The following GMDS variants were observed in gnomAD, a reference collection of about 807,000 sequenced individuals.
The protein encoded by GMDS is GDP-mannose 4,6 dehydratase.
Under a neutral mutation model 49.9 loss-of-function variants are expected in GMDS, and 20 were observed. The observed-to-expected ratio is 0.40, with a 90% CI of 0.28 to 0.58. GMDS has a LOEUF of 0.58. Ranked by LOEUF, GMDS falls within the 20% of genes least tolerant of loss-of-function variation. The probability of loss-of-function intolerance (pLI) is 0.42; values close to 1 mark genes in which losing one functional copy is unlikely to be tolerated. For missense variants in GMDS, 362 were observed against 481.4 expected (o/e 0.75, Z 2.32); for synonymous variants, 177 against 178.6 (o/e 0.99, Z 0.07).
intron 7 of GMDS, among the ~76,000 whole-genome samples, chr6:1,787,492 G>A (rs1769370887): frequency 6.6e-6 from 1 of 152,054 alleles, no homozygotes; most frequent in Non-Finnish European, 1.5e-5. Context: ...TTACAGTAAG[G>A]GAAAAAACAG....
intron 7 of GMDS, among the ~76,000 whole-genome samples, chr6:1,928,838 G>A (rs868593007): frequency 6.6e-6 from 1 of 151,890 alleles, no homozygotes; most frequent in African/African-American, 2.4e-5. Context: ...GTGTGGTGGC[G>A]CATGCCTATA....
intron 6 of GMDS, among the ~76,000 whole-genome samples, chr6:1,953,693 T>C (rs1763478576): frequency 6.6e-6 from 1 of 152,244 alleles, no homozygotes; most frequent in Admixed American, 6.5e-5. Context: ...ACTAGAAATA[T>C]TGTTAGCTTT....
intron 4 of GMDS, among the ~76,000 whole-genome samples, chr6:2,066,598 G>T (rs1161417709): frequency 6.6e-6 from 1 of 151,180 alleles, no homozygotes; most frequent in Admixed American, 6.6e-5. Flanking sequence ...AACAAAAAAA[G>T]GCAGGGGTTG....
intron 4 of GMDS, among the ~76,000 whole-genome samples, chr6:2,094,444 T>C (rs1441312464): frequency 6.6e-6 from 1 of 152,218 alleles, no homozygotes; most frequent in Non-Finnish European, 1.5e-5. Context: ...TAATTGTCAC[T>C]CAACAGCATG....
intron 7 of GMDS, among the ~76,000 whole-genome samples, chr6:1,759,626 G>C (rs1768084994): frequency 6.6e-6 from 1 of 152,204 alleles, no homozygotes; most frequent in Admixed American, 6.5e-5. Context: ...TCTGGCGATA[G>C]ACCACGTAGG....
chr6:2,215,730 T>C (rs1183866951), intron 1 of GMDS, among the ~76,000 whole-genome samples: 1 of 152,070 alleles, frequency 6.6e-6, no homozygotes, highest in African/African-American at 2.4e-5. Context: ...CTAAGAGACA[T>C]TGACCAATTT....
intron 4 of GMDS, among the ~76,000 whole-genome samples, chr6:1,986,213 G>A (rs1765536566): frequency 6.6e-6 from 1 of 152,154 alleles, no homozygotes. Flanking sequence ...TCCCAGGGGA[G>A]TTTTCTAAAG....
chr6:1,699,650 CCCTCCTGCCTT>C (rs2113360968), intron 9 of GMDS, among the ~76,000 whole-genome samples: 1 of 152,246 alleles, frequency 6.6e-6, no homozygotes, highest in Non-Finnish European at 1.5e-5. Flanking sequence ...CTGACTCTGA[CCCTCCTGCCTT>C]CCTCCTATAA....
chr6:1,719,917 A>T (rs898147971), intron 9 of GMDS, among the ~76,000 whole-genome samples: 2 of 152,212 alleles, frequency 1.3e-5, no homozygotes, highest in African/African-American at 4.8e-5. Context: ...ATTATAAATG[A>T]GGATAGTCAG....
At chr6:2,070,236 A>G (rs1370884507) in intron 4 of GMDS, among the ~76,000 whole-genome samples, 2 of 140,036 alleles carry the variant, frequency 1.4e-5, no homozygotes, top group African/African-American at 5.3e-5. Flanking sequence ...CATGGACACA[A>G]GAAGGGGAAC....
At chr6:2,200,683 G>A (rs966056300) in intron 1 of GMDS, among the ~76,000 whole-genome samples, 13 of 149,518 alleles carry the variant, frequency 8.7e-5, no homozygotes, top group African/African-American at 3.0e-4. Flanking sequence ...TCTAGGCAGT[G>A]AGGGCAGCAT....
At chr6:2,169,727 T>C (rs531716321) in intron 1 of GMDS, among the ~76,000 whole-genome samples, 158 of 152,070 alleles carry the variant, frequency 1.0e-3, no homozygotes, top group Non-Finnish European at 1.9e-3. Flanking sequence ...TCATAAAATA[T>C]TTGCCAGGAT....
chr6:1,672,451 C>T (rs1764461556), intron 9 of GMDS, among the ~76,000 whole-genome samples: 1 of 152,202 alleles, frequency 6.6e-6, no homozygotes, highest in South Asian at 2.1e-4. Context: ...GATGATTCTT[C>T]CAACAAAAGT....
chr6:2,222,054 C>T (rs1004862328), intron 1 of GMDS, among the ~76,000 whole-genome samples: 2 of 152,220 alleles, frequency 1.3e-5, no homozygotes, highest in African/African-American at 4.8e-5. Context: ...TGAAAAGCAA[C>T]AATGTTTCAG....
chr6:1,909,301 A>G (rs1760931369), intron 7 of GMDS, among the ~76,000 whole-genome samples: 1 of 152,188 alleles, frequency 6.6e-6, no homozygotes, highest in African/African-American at 2.4e-5. Context: ...TTTTTTCAAA[A>G]TTCCCACTTG....
At chr6:1,999,909 T>C (rs1305602056) in intron 4 of GMDS, among the ~76,000 whole-genome samples, 39 of 102,768 alleles carry the variant, frequency 3.8e-4, no homozygotes, top group East Asian at 7.6e-4. Flanking sequence ...ATATAATATA[T>C]ATATTATATA....
At chr6:2,125,526 C>T (rs915783587) in intron 1 of GMDS, among the ~76,000 whole-genome samples, 3 of 151,812 alleles carry the variant, frequency 2.0e-5, no homozygotes, top group African/African-American at 7.3e-5. Flanking sequence ...CCTGGGAGTT[C>T]GAGGCTGGAG....
chr6:1,806,737 T>C (rs991219900), intron 7 of GMDS, among the ~76,000 whole-genome samples: 4 of 152,190 alleles, frequency 2.6e-5, no homozygotes, highest in Non-Finnish European at 5.9e-5. Context: ...TAGCATTGAA[T>C]CACAGGGTTT....
intron 1 of GMDS, among the ~76,000 whole-genome samples, chr6:2,210,445 T>C (rs974514429): frequency 7.9e-5 from 12 of 152,228 alleles, no homozygotes; most frequent in African/African-American, 2.9e-4. Flanking sequence ...ATCCCCAATG[T>C]GCTTACCCAT....
Sources: gnomAD v4.1 joint callset for allele counts (sites outside exome capture counted in the v4.1 genomes callset) on GRCh38, gnomAD v4.1.1 for gene constraint, MANE v1.5 for transcripts, NCBI Gene and HGNC (gene_info 2026-07-23, HGNC 2026-07-21) for gene names.